MLLT1: variants seen among roughly 807,000 people sequenced by gnomAD.
The protein encoded by MLLT1 is protein ENL.
MLLT1 carries 11 observed loss-of-function variants against 55.1 expected under a neutral mutation model. That is an observed-to-expected ratio of 0.20 (90% CI 0.13 to 0.33). MLLT1 has a LOEUF of 0.33. Among genes scored for constraint, MLLT1 ranks in the 10% least tolerant of loss-of-function variants. The pLI, the probability that MLLT1 is intolerant of heterozygous loss-of-function variation, is 1.00. For missense variants in MLLT1, 536 were observed against 760.6 expected (o/e 0.70, Z 3.47); for synonymous variants, 323 against 320.1 (o/e 1.01, Z -0.10).
rs552865888 is a variant in MLLT1 at position 6,235,768 on chromosome 19, C to T, written c.277-5055G>A. 6.6e-6 allele frequency among the ~76,000 whole-genome samples: 1 copy of T among 152,306 alleles called. No individual in the cohort carries two copies. The highest frequency in any genetic ancestry group is 6.5e-5 in the Admixed American group (1 of 15,298). On this transcript the variant is annotated intron_variant, in intron 3 of 11. Transcript: ENST00000252674. This position sits in a 1 kb window ranked among gnomAD's most constrained non-coding sequence, Gnocchi z 5.5. Reference sequence around the variant, plus strand: ...CCATGGGCTCAGGGCTCACCCTAGCCCACCAATGGCCTCGATGAGCCTGGA... The same window carrying T: ...CCATGGGCTCAGGGCTCACCCTAGCTCACCAATGGCCTCGATGAGCCTGGA...
At chr19:6,269,121 A>G (rs1001743138) in intron 2 of MLLT1, among the ~76,000 whole-genome samples, 2 of 152,338 alleles carry the variant, frequency 1.3e-5, no homozygotes, top group Non-Finnish European at 2.9e-5. Context: ...TGCTCTGCCA[A>G]CGTGGCACAA....
intron 3 of MLLT1, among the ~76,000 whole-genome samples, chr19:6,250,020 C>CA (rs368464358): frequency 5.5e-4 from 80 of 146,428 alleles, no homozygotes; most frequent in Middle Eastern, 3.4e-3. Flanking sequence ...GACCCTGTTT[C>CA]AAAAAAAAAC....
intron 2 of MLLT1, among the ~76,000 whole-genome samples, chr19:6,268,481 C>T (rs2091367575): frequency 6.6e-6 from 1 of 152,200 alleles, no homozygotes; most frequent in Non-Finnish European, 1.5e-5. Flanking sequence ...AGGCCAGGAA[C>T]AGCAACTTTG....
chr19:6,268,141 C>T (rs552110244), intron 2 of MLLT1, among the ~76,000 whole-genome samples: 12 of 152,254 alleles, frequency 7.9e-5, no homozygotes, highest in East Asian at 7.7e-4. Context: ...TATTGGGCAA[C>T]GAAACCGCGA....
chr19:6,236,651 G>A (rs2091063805), intron 3 of MLLT1, among the ~76,000 whole-genome samples: 1 of 152,190 alleles, frequency 6.6e-6, no homozygotes, highest in African/African-American at 2.4e-5. Flanking sequence ...CACTGGGAAT[G>A]ACTAAACGGC....
chr19:6,249,482 G>C (rs920297504), intron 3 of MLLT1, among the ~76,000 whole-genome samples: 1 of 152,228 alleles, frequency 6.6e-6, no homozygotes, highest in East Asian at 1.9e-4. Flanking sequence ...TTATTCATCC[G>C]GGCCACTGCC....
In MLLT1 at chr19:6,222,349, C is replaced by T. The variant is rs1158721921; in HGVS notation, c.882G>A (p.Lys294=). Residue 294 remains lysine (K), a synonymous_variant, in exon 6 of 12, where the codon AAG becomes AAA. Transcript: ENST00000252674. The surrounding 1 kb of genome is among the most constrained non-coding windows in gnomAD (Gnocchi z 4.1). ...TCTTCTTCTGCTTCTTGGCGCTGGGCTTTGGCGAGTCGGCGGTGGCCGGCC... is the reference window on the plus strand; with the variant it reads ...TCTTCTTCTGCTTCTTGGCGCTGGGTTTTGGCGAGTCGGCGGTGGCCGGCC... ...SKRPATADSP[K]PSAKKQKKSS... 1 of 1,492,506 alleles carries T rather than the reference C, an allele frequency of 6.7e-7. No individual in the cohort carries two copies. The highest frequency in any genetic ancestry group is 8.9e-7 in the Non-Finnish European group (1 of 1,121,614). The allele number at this position is 1,492,506 out of a possible 1,614,324, so 92.5% of individuals were successfully genotyped here. A position where few individuals can be genotyped will look rare whatever the true frequency, so the allele number is the denominator to read the frequency against.
At position 6,212,262 on chromosome 19, in the gene MLLT1, G is replaced by A; in HGVS notation, c.*780C>T. 2 of 1,065,330 alleles carry A rather than the reference G, an allele frequency of 1.9e-6. No homozygotes were observed. Among genetic ancestry groups the A allele is most frequent in the Non-Finnish European group, 2.3e-6 (2 of 879,470 alleles). The allele number at this position is 1,065,330 out of a possible 1,614,324, so 66.0% of individuals were successfully genotyped here. A position where few individuals can be genotyped will look rare whatever the true frequency, so the allele number is the denominator to read the frequency against. ...TTGTAGTGTTGGCTGACCCCCCCGG[G>A]AGCCCCGGTAGGAGGCGGCGGCATC... On this transcript the variant is annotated 3_prime_UTR_variant, in exon 12 of 12. Transcript: ENST00000252674.
rs531525994 is a variant in MLLT1, at chr19:6,273,177, G to A, written c.13-2418C>T. Among the ~76,000 whole-genome samples, 5 of 152,150 alleles carry A rather than the reference G, an allele frequency of 3.3e-5. No individual in the cohort carries two copies. Among genetic ancestry groups the A allele is most frequent in the South Asian group, 4.2e-4 (2 of 4,806 alleles). On this transcript the variant is annotated intron_variant, in intron 1 of 11. Transcript: ENST00000252674. The surrounding 1 kb of genome is among the most constrained non-coding windows in gnomAD (Gnocchi z 4.3). The stretch of plus-strand genomic sequence containing the variant: ...AACGGTCTCGGAGTCAAAAGCCCCC[G>A]GCCCTCTGTGTAAGGCCTGGGGTGC...
chr19:6,237,554 G>C (rs376595263), intron 3 of MLLT1, among the ~76,000 whole-genome samples: 2 of 149,270 alleles, frequency 1.3e-5, no homozygotes, highest in Non-Finnish European at 3.0e-5. Context: ...TCAGGAGATC[G>C]AGACCATCCT....
intron 3 of MLLT1, among the ~76,000 whole-genome samples, chr19:6,233,673 A>G (rs1282278821): frequency 6.6e-6 from 1 of 152,236 alleles, no homozygotes; most frequent in Non-Finnish European, 1.5e-5. Context: ...CTTCCACCAC[A>G]GGACTATGTG....
chr19:6,238,330 A>C (rs1032770839), intron 3 of MLLT1, among the ~76,000 whole-genome samples: 1 of 152,240 alleles, frequency 6.6e-6, no homozygotes, highest in African/African-American at 2.4e-5. Context: ...TCTAGCCAGA[A>C]TGATATTGTG....
rs982816413 is a variant in MLLT1, at chr19:6,245,739, A to T, written c.277-15026T>A. Among the ~76,000 whole-genome samples the T allele has an allele frequency of 3.3e-5, 5 of 152,066 alleles. No individual in the cohort carries two copies. In the East Asian group the frequency reaches 5.8e-4, roughly 18 times the overall value. On this transcript the variant is annotated intron_variant, in intron 3 of 11. Transcript: ENST00000252674. ...AAATAAACAAATAAAATTTTTTTTT[A>T]AAAAGAAAAACTCACTGGGTGTGGT...
intron 1 of MLLT1, among the ~76,000 whole-genome samples, chr19:6,275,540 G>C (rs898652176): frequency 6.6e-6 from 1 of 152,218 alleles, no homozygotes; most frequent in Non-Finnish European, 1.5e-5. Flanking sequence ...GATGGGGAAA[G>C]ACAGGTGCCC....
At chr19:6,254,039 G>A (rs1188043838) in intron 3 of MLLT1, among the ~76,000 whole-genome samples, 3 of 152,188 alleles carry the variant, frequency 2.0e-5, no homozygotes, top group Non-Finnish European at 4.4e-5. Context: ...GGTGTCTGCT[G>A]ACTGAATGCC....
intron 6 of MLLT1, among the ~76,000 whole-genome samples, chr19:6,218,618 C>CA (rs1314877203): frequency 6.6e-6 from 1 of 152,208 alleles, no homozygotes; most frequent in East Asian, 1.9e-4. Context: ...AGCCCGGCCC[C>CA]ACCCGCCTCC....
intron 3 of MLLT1, among the ~76,000 whole-genome samples, chr19:6,242,531 A>G (rs2091124944): frequency 6.6e-6 from 1 of 152,166 alleles, no homozygotes; most frequent in African/African-American, 2.4e-5. Flanking sequence ...ATTAGTGGCA[A>G]ATAACCAAAA....
chr19:6,262,173 C>T lies in MLLT1; in HGVS notation c.276+55G>A, dbSNP rs1031271196. 46 of 1,439,826 alleles carry T rather than the reference C, an allele frequency of 3.2e-5. No homozygotes were observed. Among genetic ancestry groups the T allele is most frequent in the Non-Finnish European group, 4.0e-5 (41 of 1,023,214 alleles). 89.2% of individuals were successfully genotyped at this position (1,439,826 alleles called of 1,614,324 possible). Reference sequence around the variant, plus strand: ...CTGTTTTGTGAACTGCCGTGGCACCCGGAGCAGGGGTCCCCACAGAGAGGC... The same window carrying T: ...CTGTTTTGTGAACTGCCGTGGCACCTGGAGCAGGGGTCCCCACAGAGAGGC... On this transcript the variant is annotated intron_variant, in intron 3 of 11. Coordinates refer to ENST00000252674, the MANE Select transcript of MLLT1 (RefSeq NM_005934.4). The surrounding 1 kb of genome is among the most constrained non-coding windows in gnomAD (Gnocchi z 4.4).
intron 3 of MLLT1, among the ~76,000 whole-genome samples, chr19:6,237,730 T>TC (rs1208048296): frequency 7.3e-6 from 1 of 136,388 alleles, no homozygotes; most frequent in African/African-American, 2.9e-5. Context: ...ATTGAGCCAC[T>TC]CCAGCCTGGG....
Sources: allele counts gnomAD v4.1 joint callset (sites outside exome capture counted in the v4.1 genomes callset), GRCh38; gene constraint gnomAD v4.1.1; non-coding constraint Gnocchi (gnomAD v3.1); transcripts MANE v1.5; gene names NCBI Gene and HGNC (gene_info 2026-07-23, HGNC 2026-07-21).